Variants in ERBB2 observed in about 807,000 individuals in gnomAD.
ERBB2 encodes the protein erb-b2 receptor tyrosine kinase 2, also known as receptor tyrosine-protein kinase erbB-2.
ERBB2 carries 61 observed loss-of-function variants against 149.0 expected under a neutral mutation model. That is an observed-to-expected ratio of 0.41 (90% CI 0.33 to 0.51). ERBB2 has a LOEUF of 0.51. Among genes scored for constraint, ERBB2 ranks in the 20% least tolerant of loss-of-function variants. ERBB2 has a pLI of 0.25. For synonymous variants in ERBB2, 633 were observed against 678.8 expected (o/e 0.93, Z 1.05); for missense variants, 1,205 against 1,655.1 (o/e 0.73, Z 4.72).
In ERBB2 at chr17:39,723,466, G is replaced by A. The variant is rs755987646; in HGVS notation, c.2085+9G>A. 6.2e-6 allele frequency: 10 copies of A among 1,614,036 alleles called. No individual in the cohort carries two copies. The highest frequency in any genetic ancestry group is 1.6e-4 in the Middle Eastern group (1 of 6,078). On this transcript the variant is annotated intron_variant, in intron 17 of 26. Transcript: ENST00000269571. This position sits in a 1 kb window ranked among gnomAD's most constrained non-coding sequence, Gnocchi z 6.2. ...TGCTGCAGGAAACGGAGGTGAGGCG[G>A]GGTGAAGTCCTCCCAGCCCGCGTGG...
chr17:39,694,467 A>G (rs1245540086), upstream of ERBB2, among the ~76,000 whole-genome samples: 5 of 151,270 alleles, frequency 3.3e-5, no homozygotes, highest in East Asian at 7.7e-4. Context: ...AGCCCAAAGG[A>G]GAAATGATAG....
chr17:39,709,973 T>C, intron 5 of ERBB2, 92 bp downstream of exon 5: 1 of 1,487,026 alleles, frequency 6.7e-7, no homozygotes, highest in Non-Finnish European at 9.3e-7. Flanking sequence ...AGGGGTGGGA[T>C]AACAGGCTTG....
At position 39,725,751 on chromosome 17, in the gene ERBB2, G is replaced by A. The variant is rs777570707; in HGVS notation, c.2770G>A (p.Asp924Asn). 11 of 1,613,750 alleles carry A rather than the reference G, an allele frequency of 6.8e-6. No individual in the cohort carries two copies. Among genetic ancestry groups the A allele is most frequent in the East Asian group, 2.2e-5 (1 of 44,878 alleles). ...GATGACTTTTGGGGCCAAACCTTAC[G>A]ATGGGATCCCAGCCCGGGAGATCCC... ...ELMTFGAKPY[D>N]GIPAREIPDL... The change falls in exon 23 of 27, where the codon GAT (aspartate) becomes AAT (asparagine). Residue 924 changes from aspartate to asparagine, a missense_variant. Transcript: ENST00000269571. The surrounding 1 kb of genome is among the most constrained non-coding windows in gnomAD (Gnocchi z 4.6).
chr17:39,726,259 C>G lies in ERBB2; in HGVS notation c.2873-303C>G, dbSNP rs2059752200. ...GCTGAGGCAGGAAGATCACTTGAGC[C>G]TAGTTTAAGGTTGCAGTAAGCTATG... is the stretch of plus-strand genomic sequence containing the variant. On this transcript the variant is annotated intron_variant, in intron 23 of 26. Coordinates refer to ENST00000269571, the MANE Select transcript of ERBB2 (RefSeq NM_004448.4). This position sits in a 1 kb window ranked among gnomAD's most constrained non-coding sequence, Gnocchi z 5.1. 1 of 449,050 alleles carries G rather than the reference C, an allele frequency of 2.2e-6. No homozygotes were observed. The highest frequency in any genetic ancestry group is 2.0e-5 in the African/African-American group (1 of 51,074). The allele number at this position is 449,050 out of a possible 1,614,324, so 27.8% of individuals were successfully genotyped here. A position where few individuals can be genotyped will look rare whatever the true frequency, so the allele number is the denominator to read the frequency against.
upstream of ERBB2, among the ~76,000 whole-genome samples, chr17:39,695,758 C>CAA (rs2057850041): frequency 6.7e-6 from 1 of 148,802 alleles, no homozygotes; most frequent in African/African-American, 2.5e-5. Context: ...CACACACACA[C>CAA]GTCTCCTGTG....
upstream of ERBB2, among the ~76,000 whole-genome samples, chr17:39,693,765 A>AAAT (rs71355408): frequency 0.13 from 17,993 of 143,340 alleles, 1,548 homozygotes; most frequent in African/African-American, 0.24. Context: ...CTCGAAAATA[A>AAAT]AATAATAATA....
chr17:39,692,855 G>C (rs990337571), upstream of ERBB2, among the ~76,000 whole-genome samples: 5 of 151,498 alleles, frequency 3.3e-5, no homozygotes, highest in African/African-American at 1.2e-4. Context: ...CTGAGGTCAG[G>C]AGTTCAAGAC....
In ERBB2 at chr17:39,724,735, G is replaced by A. The variant is rs772054394; in HGVS notation, c.2317G>A (p.Val773Met). Residue 773 changes from valine (V) to methionine (M), a missense_variant, in exon 20 of 27, where the codon GTG (valine) becomes ATG (methionine). Physicochemically the swap from Val to Met is conservative, Grantham distance 21 (BLOSUM62 1). This residue lies in a region of ERBB2 where 152 missense variants were observed against 318.1 expected (regional missense o/e 0.48). Transcript: ENST00000269571. ...GTACCCTTGTCCCCAGGAAGCATAC[G>A]TGATGGCTGGTGTGGGCTCCCCATA... Reference protein sequence around the residue: ...ANKEILDEAYVMAGVGSPYVS... With the variant: ...ANKEILDEAYMMAGVGSPYVS... The A allele has an allele frequency of 4.2e-5, 67 of 1,614,014 alleles. No homozygotes were observed. In the Admixed American group the frequency reaches 7.2e-4, roughly 17 times the overall value.
chr17:39,701,082 G>T (rs1414832432), intron 1 of ERBB2, among the ~76,000 whole-genome samples: 1 of 151,940 alleles, frequency 6.6e-6, no homozygotes, highest in Non-Finnish European at 1.5e-5. Flanking sequence ...AAGAAATAAG[G>T]CCAGATGGGA....
chr17:39,695,881 C>T (rs571613941), upstream of ERBB2, among the ~76,000 whole-genome samples: 24 of 152,286 alleles, frequency 1.6e-4, no homozygotes, highest in South Asian at 4.8e-3. Flanking sequence ...CCTGTCCTGC[C>T]TCTTCAGTGT....
chr17:39,715,076 G>A (rs1310046495), intron 9 of ERBB2, among the ~76,000 whole-genome samples: 1 of 152,158 alleles, frequency 6.6e-6, no homozygotes, highest in Non-Finnish European at 1.5e-5. Flanking sequence ...GCAGAAATAA[G>A]ATTTCTAGAT....
rs765660593 is a variant in ERBB2, at chr17:39,727,450, C to T, written c.3315C>T (p.Asp1105=). ...AKGLQSLPTH[D]PSPLQRYSED... ...GGCTGCAAAGCCTCCCCACACATGA[C>T]CCCAGCCCTCTACAGCGGTACAGTG... The change falls in exon 26 of 27, where the codon GAC becomes GAT. Residue 1105 remains aspartate, a synonymous_variant. Transcript: ENST00000269571. This position sits in a 1 kb window ranked among gnomAD's most constrained non-coding sequence, Gnocchi z 4.3. 6.2e-7 allele frequency: 1 copy of T among 1,611,000 alleles called. No homozygotes were observed. The highest frequency in any genetic ancestry group is 1.1e-5 in the South Asian group (1 of 90,696).
intron 3 of ERBB2, 146 bp from the exon 4 acceptor site, chr17:39,709,172 G>T: frequency 1.1e-6 from 1 of 898,532 alleles, no homozygotes; most frequent in Non-Finnish European, 1.7e-6. Flanking sequence ...GGGACTCAAA[G>T]ACGGTAAAGA....
chr17:39,700,731 G>T (rs1436971683), intron 1 of ERBB2, among the ~76,000 whole-genome samples: 1 of 152,150 alleles, frequency 6.6e-6, no homozygotes, highest in Non-Finnish European at 1.5e-5. Flanking sequence ...ATTCCTTGGG[G>T]GGGTCCTCTG....
intron 2 of ERBB2, among the ~76,000 whole-genome samples, chr17:39,689,784 A>C (rs1258065689): frequency 6.6e-6 from 1 of 152,132 alleles, no homozygotes; most frequent in East Asian, 1.9e-4. Context: ...GCATGCCTGT[A>C]ATCCCAGCTA....
At chr17:39,694,249 ATATATATATATATATATATG>A (rs1414491243), upstream of ERBB2, among the ~76,000 whole-genome samples, 2,790 of 34,370 alleles carry the variant, frequency 0.081, 243 homozygotes, top group Non-Finnish European at 0.11. Context: ...ATATATATAT[ATATATATATATATATATATG>A]TGTGTATATA....
chr17:39,699,415 C>T (rs939046344), upstream of ERBB2: 45 of 688,168 alleles, frequency 6.5e-5, no homozygotes, highest in Non-Finnish European at 8.6e-5. Context: ...GAGCAGAGAT[C>T]GCGCCATTGC....
intron 9 of ERBB2, among the ~76,000 whole-genome samples, chr17:39,714,987 C>G (rs922416202): frequency 7.2e-5 from 11 of 152,136 alleles, no homozygotes; most frequent in Non-Finnish European, 1.5e-4. Context: ...CCAGGATGGT[C>G]TCCATCTCTT....
At chr17:39,714,772 C>CTTT (rs1305856787) in intron 9 of ERBB2, among the ~76,000 whole-genome samples, 1 of 136,248 alleles carries the variant, frequency 7.3e-6, no homozygotes, top group Non-Finnish European at 1.6e-5. Flanking sequence ...GATTTCTTTT[C>CTTT]TTTTTTTTTT....
Sources: allele counts gnomAD v4.1 joint callset (sites outside exome capture counted in the v4.1 genomes callset), GRCh38; gene constraint gnomAD v4.1.1; regional missense constraint gnomAD v4.1.1; non-coding constraint Gnocchi (gnomAD v3.1); transcripts MANE v1.5; gene names NCBI Gene and HGNC (gene_info 2026-07-23, HGNC 2026-07-21).